Variants in DAB2IP observed in about 807,000 individuals in gnomAD.
The protein encoded by DAB2IP is DAB2 interacting protein.
Under a neutral mutation model 107.2 loss-of-function variants are expected in DAB2IP, and 28 were observed. That is an observed-to-expected ratio of 0.26 (90% CI 0.19 to 0.36). DAB2IP has a LOEUF of 0.36. DAB2IP is among the 10% of genes least tolerant of loss of function. The probability of loss-of-function intolerance (pLI) is 1.00; values close to 1 mark genes in which losing one functional copy is unlikely to be tolerated. For synonymous variants in DAB2IP, 755 were observed against 706.4 expected (o/e 1.07, Z -1.09); for missense variants, 1,400 against 1,644.7 (o/e 0.85, Z 2.57).
At chr9:121,711,188 T>G (rs1450950540) in intron 3 of DAB2IP, among the ~76,000 whole-genome samples, 2 of 152,178 alleles carry the variant, frequency 1.3e-5, no homozygotes, top group Non-Finnish European at 2.9e-5. Context: ...AGGAGTGTTT[T>G]CCCGAACTGG....
chr9:121,767,612 C>G (rs1435236753), intron 9 of DAB2IP, among the ~76,000 whole-genome samples: 2 of 152,156 alleles, frequency 1.3e-5, no homozygotes, highest in African/African-American at 4.8e-5. Context: ...GACCTGAAGG[C>G]CAGACAGGGC....
At chr9:121,768,825 A>G (rs546770913) in intron 10 of DAB2IP, among the ~76,000 whole-genome samples, 192 bp downstream of exon 10, 81 of 152,328 alleles carry the variant, frequency 5.3e-4, no homozygotes, top group Middle Eastern at 3.4e-3. Flanking sequence ...ACTCAGCAGT[A>G]TCTGCCAAGG....
intron 3 of DAB2IP, among the ~76,000 whole-genome samples, chr9:121,752,665 G>C (rs1052602854): frequency 7.2e-5 from 11 of 152,258 alleles, no homozygotes; most frequent in Non-Finnish European, 1.5e-4. Flanking sequence ...GCCGCTGCGA[G>C]AGTGGGCCTG....
chr9:121,769,756 G>A (rs1164693247), intron 10 of DAB2IP, among the ~76,000 whole-genome samples: 1 of 152,208 alleles, frequency 6.6e-6, no homozygotes, highest in African/African-American at 2.4e-5. Flanking sequence ...ACTAGTCACT[G>A]TCACTGCCAC....
upstream of DAB2IP, among the ~76,000 whole-genome samples, chr9:121,646,688 C>G (rs1832550673): frequency 6.6e-6 from 1 of 152,116 alleles, no homozygotes; most frequent in Non-Finnish European, 1.5e-5. Context: ...TGTGTGGGGC[C>G]TAGTGTGGGC....
rs531829771 is a variant in DAB2IP at position 121,645,569 on chromosome 9, A to G, written c.41-33109A>G. ...CTCCCTCCCTTGGTCTCACTTCCCCATCTTCAGGAAGGGATGCTGCCCCAC... is the reference window on the plus strand; with the variant it reads ...CTCCCTCCCTTGGTCTCACTTCCCCGTCTTCAGGAAGGGATGCTGCCCCAC... On this transcript the variant is annotated intron_variant, in intron 1 of 16. Coordinates refer to the DAB2IP transcript ENST00000259371. 9.5e-4 allele frequency among the ~76,000 whole-genome samples: 144 copies of G among 152,174 alleles called. 1 individual carries two copies. Among genetic ancestry groups the G allele is most frequent in the Middle Eastern group, 3.4e-3 (1 of 292 alleles).
At chr9:121,666,438 TCTC>T (rs1833428132) in intron 1 of DAB2IP, among the ~76,000 whole-genome samples, 1 of 152,164 alleles carries the variant, frequency 6.6e-6, no homozygotes, top group Non-Finnish European at 1.5e-5. Context: ...AAGCAACACC[TCTC>T]CTCCCTGTCC....
Position 121,688,317 on chromosome 9 carries a change from G to C in DAB2IP, c.228+9536G>C, listed in dbSNP as rs535115983. On this transcript the variant is annotated intron_variant, in intron 2 of 15. Coordinates refer to ENST00000408936, the Ensembl canonical transcript of DAB2IP. ...TGTGGAGGTGGCAGCAGTGACATCT[G>C]TTTCTAACACAAGGCTCTGCATCGG... Among the ~76,000 whole-genome samples, 8 of 152,348 alleles carry C rather than the reference G, an allele frequency of 5.3e-5. No homozygotes were observed. In the East Asian group the frequency reaches 1.5e-3, roughly 29 times the overall value.
At chr9:121,608,073 G>C (rs1830944498) in intron 1 of DAB2IP, among the ~76,000 whole-genome samples, 1 of 152,244 alleles carries the variant, frequency 6.6e-6, no homozygotes, top group African/African-American at 2.4e-5. Context: ...GATCTGCAGG[G>C]TGTGTGAGAG....
intron 1 of DAB2IP, among the ~76,000 whole-genome samples, chr9:121,625,408 C>CT (rs903409495): frequency 3.7e-4 from 55 of 147,564 alleles, no homozygotes; most frequent in Admixed American, 1.7e-3. Flanking sequence ...CTGGTGAACT[C>CT]TTTTTTTTTT....
At chr9:121,614,918 G>A (rs2118983122) in intron 1 of DAB2IP, among the ~76,000 whole-genome samples, 1 of 151,874 alleles carries the variant, frequency 6.6e-6, no homozygotes, top group Middle Eastern at 3.4e-3. Context: ...ATTTTTAGTA[G>A]AGACAGGGTT....
intron 1 of DAB2IP, among the ~76,000 whole-genome samples, chr9:121,670,841 G>C (rs1259322982): frequency 6.6e-6 from 1 of 151,736 alleles, no homozygotes; most frequent in African/African-American, 2.4e-5. Flanking sequence ...AAATGGTGAA[G>C]CCCCATCTCT....
intron 1 of DAB2IP, among the ~76,000 whole-genome samples, chr9:121,674,876 G>T (rs1833828776): frequency 6.7e-6 from 1 of 150,188 alleles, no homozygotes; most frequent in South Asian, 2.1e-4. Flanking sequence ...TGGCCAGGGT[G>T]GTGTGTGTGT....
intron 14 of DAB2IP, among the ~76,000 whole-genome samples, chr9:121,778,119 G>A (rs891438192): frequency 1.3e-5 from 2 of 152,212 alleles, no homozygotes; most frequent in African/African-American, 4.8e-5. Flanking sequence ...AGCAGATTCA[G>A]GGTATAGTGA....
chr9:121,740,254 G>A (rs1465314787), intron 3 of DAB2IP, among the ~76,000 whole-genome samples: 3 of 152,228 alleles, frequency 2.0e-5, no homozygotes, highest in Admixed American at 6.5e-5. Flanking sequence ...CAGGAGCGCC[G>A]ATAGGCCCCC....
At chr9:121,780,256 C>A (rs1261658054) in intron 14 of DAB2IP, among the ~76,000 whole-genome samples, 1 of 152,182 alleles carries the variant, frequency 6.6e-6, no homozygotes, top group Non-Finnish European at 1.5e-5. Context: ...AAAACAAATA[C>A]CCTCCTGCCA....
At position 121,698,894 on chromosome 9, in the gene DAB2IP, G is replaced by A. The variant is rs920820334; in HGVS notation, c.229-431G>A. On this transcript the variant is annotated intron_variant, in intron 2 of 15. Transcript: ENST00000408936. This position sits in a 1 kb window ranked among gnomAD's most constrained non-coding sequence, Gnocchi z 4.1. ...GGTGTGGGGGGTGTGACCTCGCACG[G>A]GGAGGACAAGCTCGGAGGCGGCAGG... Among the ~76,000 whole-genome samples the A allele has an allele frequency of 1.4e-4, 22 of 152,230 alleles. No homozygotes were observed. The highest frequency in any genetic ancestry group is 4.8e-4 in the African/African-American group (20 of 41,562).
chr9:121,684,349 C>T lies in DAB2IP; in HGVS notation c.228+5568C>T, dbSNP rs1253211833. On this transcript the variant is annotated intron_variant, in intron 2 of 15. Coordinates refer to ENST00000408936, the Ensembl canonical transcript of DAB2IP. This position sits in a 1 kb window ranked among gnomAD's most constrained non-coding sequence, Gnocchi z 4.0. Reference sequence around the variant, plus strand: ...CTGGAGTTGAGCCCAGGTCTCTGTCCCTCTCCCCCGCATCCAGTGGTCCTC... The same window carrying T: ...CTGGAGTTGAGCCCAGGTCTCTGTCTCTCTCCCCCGCATCCAGTGGTCCTC... 1.3e-5 allele frequency among the ~76,000 whole-genome samples: 2 copies of T among 152,046 alleles called. No individual in the cohort carries two copies. The highest frequency in any genetic ancestry group is 1.9e-4 in the East Asian group (1 of 5,182).
rs1158951653 is a variant in DAB2IP at position 121,609,279 on chromosome 9, A to C, written c.40+42051A>C. 3.3e-5 allele frequency among the ~76,000 whole-genome samples: 5 copies of C among 152,168 alleles called. No homozygotes were observed. In the South Asian group the frequency reaches 8.3e-4, roughly 25 times the overall value. The stretch of plus-strand genomic sequence containing the variant: ...TTAATCTAGGTGCTCCTGGTTGTCC[A>C]TCTGTCTGTCTTCCCCATGGTGGGA... On this transcript the variant is annotated intron_variant, in intron 1 of 16. Coordinates refer to the DAB2IP transcript ENST00000259371.
Sources: gnomAD v4.1 joint callset for allele counts (sites outside exome capture counted in the v4.1 genomes callset) on GRCh38, gnomAD v4.1.1 for gene constraint, Gnocchi (gnomAD v3.1) non-coding constraint, MANE v1.5 for transcripts, NCBI Gene and HGNC (gene_info 2026-07-23, HGNC 2026-07-21) for gene names.